The following ARHGEF3 variants were observed in gnomAD, a reference collection of about 807,000 sequenced individuals.
ARHGEF3 encodes Rho guanine nucleotide exchange factor 3.
A neutral mutation model predicts 63.2 loss-of-function variants in ARHGEF3; 28 were observed. That is an observed-to-expected ratio of 0.44 (90% CI 0.33 to 0.61). The LOEUF (loss-of-function observed/expected upper bound fraction) is 0.61. ARHGEF3 is among the 20% of genes least tolerant of loss of function. The pLI is 0.03. For missense variants in ARHGEF3, 533 were observed against 659.3 expected (o/e 0.81, Z 2.10); for synonymous variants, 266 against 254.2 (o/e 1.05, Z -0.44).
chr3:57,044,204 T>C (rs919268358), intron 1 of ARHGEF3, among the ~76,000 whole-genome samples: 2 of 152,208 alleles, frequency 1.3e-5, no homozygotes. Context: ...AATGAACACA[T>C]TCAGTGAACT....
At chr3:56,984,262 C>T (rs571866993) in intron 2 of ARHGEF3, among the ~76,000 whole-genome samples, 4 of 152,356 alleles carry the variant, frequency 2.6e-5, no homozygotes, top group African/African-American at 7.2e-5. Context: ...TGTTTACTTA[C>T]ACACTGGTTC....
chr3:56,891,091 G>A (rs970376051), intron 3 of ARHGEF3, among the ~76,000 whole-genome samples: 3 of 151,626 alleles, frequency 2.0e-5, no homozygotes, highest in Non-Finnish European at 4.4e-5. Context: ...TTAGCAGGGA[G>A]AGGATCCACA....
At chr3:57,061,868 T>C (rs1303657957) in intron 1 of ARHGEF3, among the ~76,000 whole-genome samples, 5 of 152,116 alleles carry the variant, frequency 3.3e-5, no homozygotes, top group Admixed American at 6.6e-5. Context: ...GTGAGAGAGG[T>C]CCTCCTTCTC....
At chr3:56,852,285 C>A (rs1476761090) in intron 4 of ARHGEF3, among the ~76,000 whole-genome samples, 1 of 152,134 alleles carries the variant, frequency 6.6e-6, no homozygotes, top group Non-Finnish European at 1.5e-5. Context: ...CCTGCATGTT[C>A]GAACGTATTT....
At chr3:56,732,149 T>C in intron 9 of ARHGEF3, 89 bp downstream of exon 9, 1 of 1,486,230 alleles carries the variant, frequency 6.7e-7, no homozygotes, top group Non-Finnish European at 9.2e-7. Flanking sequence ...TTCAAGACCG[T>C]GGCTTTTCTC....
rs78677227 is a variant in ARHGEF3 at position 57,059,639 on chromosome 3, C to A, written c.-28+19587G>T. Reference sequence around the variant, plus strand: ...GGCAAGTTGCTTCCCTCCATAAGCACATTTCCTCTTCTGCAAAGTAGGACT... The same window carrying A: ...GGCAAGTTGCTTCCCTCCATAAGCAAATTTCCTCTTCTGCAAAGTAGGACT... On this transcript the variant is annotated intron_variant, in intron 1 of 12. Coordinates refer to the ARHGEF3 transcript ENST00000338458. Among the ~76,000 whole-genome samples, 549 of 152,240 alleles carry A rather than the reference C, an allele frequency of 3.6e-3. 3 individuals are homozygous for A. The highest frequency in any genetic ancestry group is 6.7e-3 in the Non-Finnish European group (456 of 68,016).
chr3:56,903,304 G>A (rs536762938), intron 3 of ARHGEF3, among the ~76,000 whole-genome samples: 1 of 152,320 alleles, frequency 6.6e-6, no homozygotes, highest in South Asian at 2.1e-4. Context: ...TCTCATACAA[G>A]GCTAGAGGGA....
At chr3:56,981,703 C>T (rs1299479624) in intron 2 of ARHGEF3, among the ~76,000 whole-genome samples, 1 of 152,200 alleles carries the variant, frequency 6.6e-6, no homozygotes, top group Non-Finnish European at 1.5e-5. Context: ...GGGACTGGAG[C>T]ACTAAGACCT....
chr3:56,732,192 C>A, intron 9 of ARHGEF3, 46 bp downstream of exon 9: 1 of 1,607,426 alleles, frequency 6.2e-7, no homozygotes, highest in Admixed American at 1.7e-5. Context: ...TCCAAACTAC[C>A]ACGGCCAAAA....
At chr3:57,045,221 C>A (rs919258485) in intron 1 of ARHGEF3, among the ~76,000 whole-genome samples, 1 of 152,140 alleles carries the variant, frequency 6.6e-6, no homozygotes, top group Non-Finnish European at 1.5e-5. Flanking sequence ...GGGCTGAGAT[C>A]GCACCATTGC....
chr3:56,919,227 T>C (rs1211790898), intron 3 of ARHGEF3, among the ~76,000 whole-genome samples: 1 of 152,218 alleles, frequency 6.6e-6, no homozygotes, highest in Non-Finnish European at 1.5e-5. Context: ...AATTTGTAAA[T>C]GCTGGCAACT....
At chr3:56,963,750 C>T (rs887342155) in intron 2 of ARHGEF3, among the ~76,000 whole-genome samples, 1 of 151,470 alleles carries the variant, frequency 6.6e-6, no homozygotes, top group African/African-American at 2.4e-5. Flanking sequence ...TATTTTTATT[C>T]TGATTGAACC....
intron 1 of ARHGEF3, among the ~76,000 whole-genome samples, chr3:57,035,715 G>A (rs1459585832): frequency 1.3e-5 from 2 of 152,198 alleles, no homozygotes; most frequent in Non-Finnish European, 1.5e-5. Flanking sequence ...CCAGTGGAAC[G>A]TGAGAAGAAG....
intron 3 of ARHGEF3, among the ~76,000 whole-genome samples, chr3:56,919,249 T>C (rs1233481086): frequency 6.6e-6 from 1 of 152,214 alleles, no homozygotes; most frequent in Non-Finnish European, 1.5e-5. Flanking sequence ...TTCATCACCA[T>C]AAGAAGTACT....
chr3:56,758,141 C>T (rs962999236), intron 2 of ARHGEF3, among the ~76,000 whole-genome samples: 4 of 151,558 alleles, frequency 2.6e-5, no homozygotes, highest in African/African-American at 4.8e-5. Flanking sequence ...ATTAGCTGGA[C>T]GTGATGGTAG....
chr3:56,865,303 G>C (rs573872914), intron 4 of ARHGEF3, among the ~76,000 whole-genome samples: 2 of 152,180 alleles, frequency 1.3e-5, no homozygotes, highest in Non-Finnish European at 2.9e-5. Flanking sequence ...CGCACAGATT[G>C]GTTAGAAAGG....
chr3:57,004,971 A>AATAT (rs142618755), intron 2 of ARHGEF3, among the ~76,000 whole-genome samples: 3,004 of 148,108 alleles, frequency 0.02, 105 homozygotes, highest in African/African-American at 0.07. Context: ...AAAATAAATA[A>AATAT]ATATATATAT....
rs116349332 is a variant in ARHGEF3, at chr3:56,852,716, T to C, written c.192+29576A>G. Among the ~76,000 whole-genome samples, 1,100 of 152,182 alleles carry C rather than the reference T, an allele frequency of 7.2e-3. 13 individuals carry two copies. Among genetic ancestry groups the C allele is most frequent in the African/African-American group, 0.02 (833 of 41,512 alleles). Reference sequence around the variant, plus strand: ...ATTCACATGCTGTAAAAAAACCCAATTGTATAATATGCCATTCTTAATGGT... The same window carrying C: ...ATTCACATGCTGTAAAAAAACCCAACTGTATAATATGCCATTCTTAATGGT... On this transcript the variant is annotated intron_variant, in intron 4 of 12. Coordinates refer to the ARHGEF3 transcript ENST00000338458.
At chr3:56,961,522 C>T (rs964926301) in intron 2 of ARHGEF3, among the ~76,000 whole-genome samples, 2 of 152,144 alleles carry the variant, frequency 1.3e-5, no homozygotes, top group Non-Finnish European at 2.9e-5. Context: ...TGTGGGAGGG[C>T]AGCAGCTTAG....
Sources: allele counts gnomAD v4.1 joint callset (sites outside exome capture counted in the v4.1 genomes callset), GRCh38; gene constraint gnomAD v4.1.1; transcripts MANE v1.5; gene names NCBI Gene and HGNC (gene_info 2026-07-23, HGNC 2026-07-21).